Variants in MED12L observed in about 807,000 individuals in gnomAD.
The protein encoded by MED12L is mediator of RNA polymerase II transcription subunit 12-like protein.
In MED12L, 60 loss-of-function variants were observed where a neutral mutation model predicts 281.3. The observed-to-expected ratio is 0.21, with a 90% CI of 0.17 to 0.26. MED12L has a LOEUF of 0.26. Among genes scored for constraint, MED12L ranks in the 10% least tolerant of loss-of-function variants. The probability of loss-of-function intolerance (pLI) is 1.00; values close to 1 mark genes in which losing one functional copy is unlikely to be tolerated. For missense variants in MED12L, 2,146 were observed against 2,680.9 expected (o/e 0.80, Z 4.41); for synonymous variants, 974 against 987.2 (o/e 0.99, Z 0.25).
chr3:151,321,380 A>T (rs1314373140), intron 16 of MED12L, among the ~76,000 whole-genome samples: 1 of 152,144 alleles, frequency 6.6e-6, no homozygotes. Context: ...ATAAAGCTTC[A>T]TTCATTCACA....
chr3:151,411,546 T>C (rs1290100634), intron 41 of MED12L, 39 bp downstream of exon 41: 2 of 1,569,562 alleles, frequency 1.3e-6, no homozygotes, highest in Non-Finnish European at 1.8e-6. Context: ...TAATGAACAG[T>C]CACATTCTCG....
intron 16 of MED12L, among the ~76,000 whole-genome samples, chr3:151,227,416 TA>T (rs1298081606): frequency 6.6e-6 from 1 of 151,584 alleles, no homozygotes; most frequent in African/African-American, 2.4e-5. Context: ...GTGAGAATGG[TA>T]AGGGGGGACG....
At chr3:151,166,087 A>G (rs950853501) in intron 11 of MED12L, 105 bp downstream of exon 11, 1 of 934,894 alleles carries the variant, frequency 1.1e-6, no homozygotes, top group Non-Finnish European at 1.6e-6. Context: ...GAAGTGTAGT[A>G]TCTTATGAAG....
At chr3:151,312,795 C>A (rs1012889527) in intron 16 of MED12L, among the ~76,000 whole-genome samples, 1 of 152,154 alleles carries the variant, frequency 6.6e-6, no homozygotes, top group African/African-American at 2.4e-5. Context: ...TACAGGTTTG[C>A]CACTTACTTG....
intron 39 of MED12L, among the ~76,000 whole-genome samples, chr3:151,402,666 C>T (rs967258059): frequency 6.6e-6 from 1 of 152,172 alleles, no homozygotes; most frequent in African/African-American, 2.4e-5. Flanking sequence ...CCTCTACTTC[C>T]TTTATGTCAC....
chr3:151,161,893 T>A lies in MED12L; in HGVS notation c.1107+1792T>A, dbSNP rs182156090. ...TCTGGCAAGAAGATGGCTGAAGTAG[T>A]CTTTAACAATATAGTGTTCATTGGT... On this transcript the variant is annotated intron_variant, in intron 8 of 44. Coordinates refer to ENST00000687756, the MANE Select transcript of MED12L (RefSeq NM_001393769.1). Among the ~76,000 whole-genome samples, 727 of 152,244 alleles carry A rather than the reference T, an allele frequency of 4.8e-3. 4 individuals are homozygous for A. The highest frequency in any genetic ancestry group is 5.8e-3 in the Admixed American group (88 of 15,290).
chr3:151,294,944 T>C (rs767737658), intron 16 of MED12L: 2 of 1,614,134 alleles, frequency 1.2e-6, no homozygotes, highest in Non-Finnish European at 1.7e-6. Flanking sequence ...AAATCCTGCA[T>C]CATGGACTAT....
At chr3:151,190,317 A>G (rs1325244031) in intron 13 of MED12L, among the ~76,000 whole-genome samples, 2 of 151,840 alleles carry the variant, frequency 1.3e-5, no homozygotes, top group Admixed American at 1.3e-4. Context: ...GCTTACAGGC[A>G]CCCACCACCA....
chr3:151,328,379 A>G (rs751770650), intron 16 of MED12L: 19 of 1,613,590 alleles, frequency 1.2e-5, no homozygotes, highest in Non-Finnish European at 1.6e-5. Context: ...CACATAAAAC[A>G]CAAGCATTAG....
At chr3:151,210,770 A>G (rs1164053201) in intron 16 of MED12L, among the ~76,000 whole-genome samples, 3 of 152,204 alleles carry the variant, frequency 2.0e-5, no homozygotes, top group Admixed American at 2.0e-4. Context: ...GACTTTTCGT[A>G]TCTTGAAAAA....
rs540828801 is a variant in MED12L at position 151,156,117 on chromosome 3, C to T, written c.557-44C>T. On this transcript the variant is annotated intron_variant, in intron 5 of 44. Coordinates refer to ENST00000687756, the MANE Select transcript of MED12L (RefSeq NM_001393769.1). ...GGAAGAAAACATGTAATTCTTGTACCCATTGTGTCTAGAAACTCATATTTT... is the reference window on the plus strand; with the variant it reads ...GGAAGAAAACATGTAATTCTTGTACTCATTGTGTCTAGAAACTCATATTTT... 3.4e-6 allele frequency: 5 copies of T among 1,477,532 alleles called. No homozygotes were observed. The South Asian group carries it at 5.2e-5, about 15-fold the overall frequency. 91.5% of individuals were successfully genotyped at this position (1,477,532 alleles called of 1,614,324 possible).
intron 23 of MED12L, 134 bp from the exon 24 acceptor site, chr3:151,367,507 ATATGT>A: frequency 1.5e-6 from 1 of 658,968 alleles, no homozygotes; most frequent in Non-Finnish European, 2.4e-6. Flanking sequence ...AATCATCATG[ATATGT>A]TATCATTTCC....
chr3:151,253,134 G>A (rs1737154752), intron 16 of MED12L, among the ~76,000 whole-genome samples: 1 of 152,134 alleles, frequency 6.6e-6, no homozygotes, highest in African/African-American at 2.4e-5. Context: ...TGCAGCTAAG[G>A]ACTTCTGGAG....
In MED12L at chr3:151,383,961, T is replaced by C. The variant is rs1013577820; in HGVS notation, c.4790+73T>C. On this transcript the variant is annotated intron_variant, in intron 34 of 44. Coordinates refer to ENST00000687756, the MANE Select transcript of MED12L (RefSeq NM_001393769.1). The stretch of plus-strand genomic sequence containing the variant: ...ATAAGCTTTGATATACTGATGGCGA[T>C]TTCTGCCACATCTTATTTACTTGGA... 6 of 1,484,492 alleles carry C rather than the reference T, an allele frequency of 4.0e-6. No homozygotes were observed. In the African/African-American group the frequency reaches 8.3e-5, roughly 21 times the overall value. The allele number at this position is 1,484,492 out of a possible 1,614,324, so 92.0% of individuals were successfully genotyped here. A position where few individuals can be genotyped will look rare whatever the true frequency, so the allele number is the denominator to read the frequency against.
intron 11 of MED12L, among the ~76,000 whole-genome samples, chr3:151,175,658 G>A (rs184605885): frequency 1.1e-4 from 16 of 152,286 alleles, no homozygotes; most frequent in Admixed American, 4.6e-4. Context: ...AAGACCTGTG[G>A]TTAGCTTCTA....
chr3:151,199,114 G>C (rs1470385880), intron 16 of MED12L: 15 of 1,613,900 alleles, frequency 9.3e-6, no homozygotes, highest in Non-Finnish European at 9.3e-6. Context: ...AGATGAGGCA[G>C]GCTGTTACTT....
At chr3:151,336,525 CCTT>C (rs989616277) in intron 16 of MED12L, 15 of 456,358 alleles carry the variant, frequency 3.3e-5, no homozygotes, top group Middle Eastern at 3.2e-4. Context: ...GTCTGTTCCT[CCTT>C]CTGTTTGAGA....
At chr3:151,186,565 T>C (rs1045277567) in intron 12 of MED12L, among the ~76,000 whole-genome samples, 1 of 152,332 alleles carries the variant, frequency 6.6e-6, no homozygotes, top group Admixed American at 6.5e-5. Flanking sequence ...CTGCTCTTGT[T>C]GTTCCTTCTA....
In MED12L at chr3:151,165,563, T is replaced by C. The variant is rs368178112; in HGVS notation, c.1357+44T>C. ...GAACGAGTGCTTTTGAATGTTGGAC[T>C]TTATGCTGTGTTTTTGCTTCTTATA... On this transcript the variant is annotated intron_variant, in intron 10 of 44. Transcript: ENST00000687756. 4.8e-5 allele frequency: 72 copies of C among 1,501,946 alleles called. No homozygotes were observed. The African/African-American group carries it at 9.1e-4, about 19-fold the overall frequency. 93.0% of individuals were successfully genotyped at this position (1,501,946 alleles called of 1,614,324 possible).
Sources: allele counts gnomAD v4.1 joint callset (sites outside exome capture counted in the v4.1 genomes callset), GRCh38; gene constraint gnomAD v4.1.1; transcripts MANE v1.5; gene names NCBI Gene and HGNC (gene_info 2026-07-23, HGNC 2026-07-21).